DLGAP1: variants seen among roughly 807,000 people sequenced by gnomAD.
DLGAP1 encodes DLG associated protein 1.
A neutral mutation model predicts 90.8 loss-of-function variants in DLGAP1; 11 were observed. The ratio of observed to expected loss-of-function variants is 0.12; its 90% CI spans 0.08 to 0.20. The LOEUF (loss-of-function observed/expected upper bound fraction) is 0.20. Ranked by LOEUF, DLGAP1 falls within the 10% of genes least tolerant of loss-of-function variation. DLGAP1 has a pLI of 1.00. For missense variants in DLGAP1, 1,050 were observed against 1,333.8 expected, an observed-to-expected ratio of 0.79 and a Z score of 3.31; for synonymous variants, 558 against 540.7, an observed-to-expected ratio of 1.03 and a Z score of -0.44.
chr18:3,958,402 T>G (rs2073125167), intron 3 of DLGAP1, among the ~76,000 whole-genome samples: 1 of 147,170 alleles, frequency 6.8e-6, no homozygotes, highest in South Asian at 2.1e-4. Context: ...GGGGACAGTC[T>G]CATATGACAG....
chr18:4,036,615 T>G (rs538999159), intron 2 of DLGAP1, among the ~76,000 whole-genome samples: 57 of 152,344 alleles, frequency 3.7e-4, no homozygotes, highest in African/African-American at 1.1e-3. Flanking sequence ...AAATACTTTT[T>G]CAACAGGAAT....
At chr18:3,690,976 T>C (rs185665133) in intron 7 of DLGAP1, among the ~76,000 whole-genome samples, 88 of 152,338 alleles carry the variant, frequency 5.8e-4, no homozygotes, top group Admixed American at 3.6e-3. Flanking sequence ...AGTATTGGCC[T>C]GCCATGCAAA....
At chr18:4,355,641 G>A (rs1284783443) in intron 1 of DLGAP1, among the ~76,000 whole-genome samples, 1 of 151,430 alleles carries the variant, frequency 6.6e-6, no homozygotes, top group Non-Finnish European at 1.5e-5. Context: ...GACTTCTGTA[G>A]ATGGTGCCCA....
chr18:3,644,572 G>A (rs1343576182), intron 7 of DLGAP1, among the ~76,000 whole-genome samples: 2 of 151,970 alleles, frequency 1.3e-5, no homozygotes, highest in African/African-American at 4.8e-5. Flanking sequence ...CACCATTCCC[G>A]GCTAATTTTT....
At chr18:3,552,927 C>A (rs1164140339) in intron 9 of DLGAP1, among the ~76,000 whole-genome samples, 2 of 151,996 alleles carry the variant, frequency 1.3e-5, no homozygotes. Context: ...AATCGGTTGT[C>A]ACTTCCATAT....
chr18:3,750,307 T>C (rs2063445794), intron 5 of DLGAP1, among the ~76,000 whole-genome samples: 2 of 152,244 alleles, frequency 1.3e-5, no homozygotes, highest in Admixed American at 6.5e-5. Context: ...CATGATTTCA[T>C]TGTTATGGCT....
chr18:3,898,779 T>TA (rs2071716666), intron 3 of DLGAP1, among the ~76,000 whole-genome samples: 2 of 152,136 alleles, frequency 1.3e-5, no homozygotes, highest in Admixed American at 6.5e-5. Flanking sequence ...GAACTAGAAA[T>TA]AAAGTTATTC....
intron 3 of DLGAP1, among the ~76,000 whole-genome samples, chr18:3,904,981 C>CATT (rs72077069): frequency 5.1e-4 from 77 of 151,080 alleles, no homozygotes; most frequent in East Asian, 2.7e-3. Flanking sequence ...CCCTATTATT[C>CATT]ATTATTATTA....
intron 4 of DLGAP1, among the ~76,000 whole-genome samples, chr18:3,866,113 C>G (rs1005847418): frequency 6.6e-6 from 1 of 152,062 alleles, no homozygotes; most frequent in East Asian, 1.9e-4. Context: ...AGCTTAAAGC[C>G]CAAAAGTGAT....
intron 2 of DLGAP1, among the ~76,000 whole-genome samples, chr18:4,104,279 G>A (rs544986949): frequency 3.9e-5 from 6 of 151,998 alleles, no homozygotes; most frequent in East Asian, 3.9e-4. Context: ...TTATTTTAGC[G>A]AATTTTGGTA....
intron 3 of DLGAP1, among the ~76,000 whole-genome samples, chr18:3,943,735 C>A (rs1470442980): frequency 1.3e-5 from 2 of 152,130 alleles, no homozygotes; most frequent in African/African-American, 2.4e-5. Context: ...GAATTCCTAA[C>A]CCCCAGTGTC....
intron 1 of DLGAP1, among the ~76,000 whole-genome samples, chr18:4,201,385 T>C (rs796953452): frequency 1.6e-4 from 25 of 152,288 alleles, no homozygotes; most frequent in African/African-American, 5.5e-4. Context: ...GGGGGTCCTT[T>C]CCCCAATGTA....
intron 1 of DLGAP1, among the ~76,000 whole-genome samples, chr18:4,357,693 C>G (rs2081551494): frequency 6.6e-6 from 1 of 152,250 alleles, no homozygotes; most frequent in Non-Finnish European, 1.5e-5. Context: ...TGACTGACAT[C>G]TCTGGCAACA....
intron 7 of DLGAP1, among the ~76,000 whole-genome samples, chr18:3,600,944 A>G (rs1183284507): frequency 2.5e-5 from 2 of 81,124 alleles, no homozygotes; most frequent in African/African-American, 8.5e-5. Flanking sequence ...ATATAGATAG[A>G]TATATAGATA....
intron 4 of DLGAP1, among the ~76,000 whole-genome samples, chr18:3,875,401 A>G (rs994930363): frequency 7.9e-5 from 12 of 152,188 alleles, no homozygotes; most frequent in Non-Finnish European, 1.8e-4. Context: ...ATAATACTCT[A>G]CAAAGTTGTT....
At position 3,653,210 on chromosome 18, in the gene DLGAP1, CTG is replaced by C. The variant is rs151177440; in HGVS notation, c.1592-70964_1592-70963del. Among the ~76,000 whole-genome samples, 139 of 152,284 alleles carry C rather than the reference CTG, an allele frequency of 9.1e-4. No individual in the cohort carries two copies. Among genetic ancestry groups the C allele is most frequent in the African/African-American group, 3.2e-3 (134 of 41,572 alleles). ...TTAGAAGACTCTTGTGGAATTCTTG[CTG>C]TGAGTGGTTTTTCCTTCCCTGCCAT... On this transcript the variant is annotated intron_variant, in intron 7 of 12. Transcript: ENST00000315677. This position sits in a 1 kb window ranked among gnomAD's most constrained non-coding sequence, Gnocchi z 4.6.
chr18:3,941,472 C>A (rs2072767422), intron 3 of DLGAP1, among the ~76,000 whole-genome samples: 1 of 152,152 alleles, frequency 6.6e-6, no homozygotes, highest in Non-Finnish European at 1.5e-5. Flanking sequence ...GTCTTAACAA[C>A]TGGCTGATAA....
chr18:4,195,754 T>G (rs1161069550), intron 1 of DLGAP1, among the ~76,000 whole-genome samples: 1 of 152,142 alleles, frequency 6.6e-6, no homozygotes, highest in African/African-American at 2.4e-5. Flanking sequence ...TGTTTGTCCA[T>G]GTTGGTCAGG....
intron 9 of DLGAP1, among the ~76,000 whole-genome samples, chr18:3,549,632 C>T (rs1386078932): frequency 1.3e-5 from 2 of 151,908 alleles, no homozygotes; most frequent in African/African-American, 4.8e-5. Context: ...CCCCTGGCCT[C>T]TTTTTCTTAC....
Sources: allele counts gnomAD v4.1 joint callset (sites outside exome capture counted in the v4.1 genomes callset), GRCh38; gene constraint gnomAD v4.1.1; non-coding constraint Gnocchi (gnomAD v3.1); transcripts MANE v1.5; gene names NCBI Gene and HGNC (gene_info 2026-07-23, HGNC 2026-07-21).